Variants in ERC1 observed in about 807,000 individuals in gnomAD.
The protein encoded by ERC1 is ELKS/RAB6-interacting/CAST family member 1.
A neutral mutation model predicts 132.0 loss-of-function variants in ERC1; 56 were observed. The ratio of observed to expected loss-of-function variants is 0.42; its 90% CI spans 0.34 to 0.53. The LOEUF (loss-of-function observed/expected upper bound fraction) is 0.53, where lower values mean the gene tolerates loss of function less well. Among genes scored for constraint, ERC1 ranks in the 20% least tolerant of loss-of-function variants. The pLI is 0.03. For synonymous variants in ERC1, 478 were observed against 476.1 expected (o/e 1.00, Z -0.05); for missense variants, 1,202 against 1,349.9 (o/e 0.89, Z 1.72).
intron 13 of ERC1, among the ~76,000 whole-genome samples, chr12:1,245,639 A>T (rs1042978644): frequency 6.6e-6 from 1 of 152,210 alleles, no homozygotes; most frequent in African/African-American, 2.4e-5. Flanking sequence ...TTGGTTCAAC[A>T]CATTAAAAAT....
intron 2 of ERC1, among the ~76,000 whole-genome samples, chr12:1,029,637 A>G (rs565574383): frequency 7.2e-5 from 11 of 152,086 alleles, no homozygotes; most frequent in African/African-American, 2.4e-4. Flanking sequence ...CCTCCAGGTT[A>G]TAGTTGATGT....
chr12:1,417,172 C>A (rs2092158723), intron 17 of ERC1, among the ~76,000 whole-genome samples: 1 of 152,200 alleles, frequency 6.6e-6, no homozygotes, highest in Non-Finnish European at 1.5e-5. Flanking sequence ...TCCCTCCTCT[C>A]CACAAAGAAA....
rs1457377955 is a variant in ERC1, at chr12:1,287,011, TAG to T, written c.2620-2839_2620-2838del. 1.1e-3 allele frequency among the ~76,000 whole-genome samples: 161 copies of T among 152,314 alleles called. 1 individual carries two copies. Among genetic ancestry groups the T allele is most frequent in the Non-Finnish European group, 8.8e-5 (6 of 68,020 alleles). ...TTGAAGAGAACAAGCTGAGACTTAT[TAG>T]ATATCAAGCCTTATAAAGTGATAAT... On this transcript the variant is annotated intron_variant, in intron 14 of 18. Transcript: ENST00000360905.
In ERC1 at chr12:1,180,913, G is replaced by C. The variant is rs184632199; in HGVS notation, c.1875+236G>C. On this transcript the variant is annotated intron_variant, in intron 9 of 18. Coordinates refer to ENST00000360905, the MANE Select transcript of ERC1 (RefSeq NM_178040.4). ...ACTAAATTCCACCTCCCAGGTTCAA[G>C]CGATTCTCCTGCCTCAGCCTCCCGA... 2.0e-5 allele frequency among the ~76,000 whole-genome samples: 3 copies of C among 152,022 alleles called. No homozygotes were observed. The East Asian group carries it at 5.8e-4, about 29-fold the overall frequency.
chr12:1,394,724 C>T (rs1399481725), intron 16 of ERC1, among the ~76,000 whole-genome samples: 1 of 152,210 alleles, frequency 6.6e-6, no homozygotes, highest in Non-Finnish European at 1.5e-5. Flanking sequence ...CTTTCACCTT[C>T]CGCCATGATT....
chr12:1,231,801 A>G (rs923558448), intron 12 of ERC1, among the ~76,000 whole-genome samples: 2 of 151,874 alleles, frequency 1.3e-5, no homozygotes, highest in African/African-American at 4.8e-5. Context: ...GTGCAGTGGC[A>G]TGTTCTTGGC....
chr12:1,371,795 G>A, intron 15 of ERC1, 38 bp from the exon 16 acceptor site: 1 of 1,600,616 alleles, frequency 6.2e-7, no homozygotes, highest in Non-Finnish European at 8.5e-7. Context: ...TTGTTGGAAG[G>A]GGTGAATGGC....
rs1469196574 is a variant in ERC1 at position 1,485,199 on chromosome 12, T to TTA, written c.3214-4893_3214-4892insAT. 7.6e-3 allele frequency among the ~76,000 whole-genome samples: 1,020 copies of TTA among 134,436 alleles called. 12 individuals are homozygous for TTA. The highest frequency in any genetic ancestry group is 0.028 in the African/African-American group (970 of 34,324). 88.2% of individuals were successfully genotyped at this position (134,436 alleles called of 152,430 possible). A position where few individuals can be genotyped will look rare whatever the true frequency, so the allele number is the denominator to read the frequency against. ...TCCCCAAACCTGGTCAAGTTTATAT[T>TTA]TCTTTTTTTTTTTTTTTTTTTTTGA... On this transcript the variant is annotated intron_variant, in intron 18 of 18. Coordinates refer to ENST00000360905, the MANE Select transcript of ERC1 (RefSeq NM_178040.4).
At chr12:1,055,846 A>G (rs59462516) in intron 2 of ERC1, among the ~76,000 whole-genome samples, 32,224 of 152,106 alleles carry the variant, frequency 0.21, 3,741 homozygotes, top group Non-Finnish European at 0.25. Context: ...TGCATAAAGC[A>G]TTCAGAAAAG....
At position 1,488,979 on chromosome 12, in the gene ERC1, G is replaced by A. The variant is rs140825626; in HGVS notation, c.3214-1114G>A. On this transcript the variant is annotated intron_variant, in intron 18 of 18. Coordinates refer to ENST00000360905, the MANE Select transcript of ERC1 (RefSeq NM_178040.4). ...CTTCTGCTCAGTCTGAGAAAGTGGC[G>A]ATGCTCATGTCACTGTACCATTTAA... Among the ~76,000 whole-genome samples the A allele has an allele frequency of 2.0e-3, 305 of 152,280 alleles. 4 individuals are homozygous for A. Among genetic ancestry groups the A allele is most frequent in the African/African-American group, 7.1e-3 (293 of 41,544 alleles).
intron 17 of ERC1, among the ~76,000 whole-genome samples, chr12:1,417,416 A>C (rs1305089602): frequency 1.3e-5 from 2 of 149,658 alleles, no homozygotes; most frequent in Non-Finnish European, 3.0e-5. Flanking sequence ...ACACATAAAC[A>C]GTTTTGCTAC....
chr12:1,348,401 G>A (rs1304517298), intron 15 of ERC1, among the ~76,000 whole-genome samples: 1 of 152,088 alleles, frequency 6.6e-6, no homozygotes, highest in Admixed American at 6.6e-5. Flanking sequence ...AATGTATAAT[G>A]TCCAGCCAGG....
intron 8 of ERC1, among the ~76,000 whole-genome samples, chr12:1,145,914 C>T (rs1257964973): frequency 6.6e-6 from 1 of 152,194 alleles, no homozygotes; most frequent in East Asian, 1.9e-4. Context: ...GTTCTCTATT[C>T]TGTTCCATTG....
chr12:1,221,431 A>G (rs2154295465), intron 12 of ERC1, among the ~76,000 whole-genome samples: 1 of 152,356 alleles, frequency 6.6e-6, no homozygotes, highest in South Asian at 2.1e-4. Flanking sequence ...GAGACTAATT[A>G]TCCTGCAGTT....
At chr12:1,467,921 C>G (rs557330959) in intron 18 of ERC1, among the ~76,000 whole-genome samples, 1 of 152,296 alleles carries the variant, frequency 6.6e-6, no homozygotes, top group African/African-American at 2.4e-5. Flanking sequence ...TGACAAGAGA[C>G]GGAACTCAGG....
At chr12:1,485,089 G>C (rs1592346944) in intron 18 of ERC1, among the ~76,000 whole-genome samples, 1 of 149,664 alleles carries the variant, frequency 6.7e-6, no homozygotes, top group East Asian at 2.0e-4. Flanking sequence ...GGGTCTCGCT[G>C]TGTTGCGCAG....
chr12:1,301,720 T>C (rs1346164030), intron 15 of ERC1, among the ~76,000 whole-genome samples: 2 of 152,100 alleles, frequency 1.3e-5, no homozygotes, highest in Admixed American at 6.6e-5. Flanking sequence ...TAATGAGTAC[T>C]AGACCTAATA....
intron 17 of ERC1, among the ~76,000 whole-genome samples, chr12:1,423,431 C>T (rs992622626): frequency 6.6e-6 from 1 of 152,204 alleles, no homozygotes; most frequent in African/African-American, 2.4e-5. Flanking sequence ...ACTGTGATCA[C>T]AAACCATACA....
At position 1,290,008 on chromosome 12, in the gene ERC1, A is replaced by G. The variant is rs1217369499; in HGVS notation, c.2776A>G (p.Met926Val). The G allele has an allele frequency of 6.2e-7, 1 of 1,613,652 alleles. No homozygotes were observed. Among genetic ancestry groups the G allele is most frequent in the African/African-American group, 1.3e-5 (1 of 75,048 alleles). ...GAAACACTTAGAGGAAGTTCTGGAG[A>G]TGAAGTAAGTGTTTGTAGTCTTATT... is the stretch of plus-strand genomic sequence containing the variant. ...RRKHLEEVLE[M>V]KQEALLAAIS... is the part of the protein sequence containing the mutation. Residue 926 changes from methionine (M) to valine (V), a missense_variant, in exon 15 of 19, where the codon ATG becomes GTG. Transcript: ENST00000360905.
Sources: gnomAD v4.1 joint callset for allele counts (sites outside exome capture counted in the v4.1 genomes callset) on GRCh38, gnomAD v4.1.1 for gene constraint, MANE v1.5 for transcripts, NCBI Gene and HGNC (gene_info 2026-07-23, HGNC 2026-07-21) for gene names.